The following PKNOX2 variants were observed in gnomAD, a reference collection of about 807,000 sequenced individuals.
PKNOX2 encodes homeobox protein PKNOX2.
In PKNOX2, 14 loss-of-function variants were observed where a neutral mutation model predicts 53.1. That is an observed-to-expected ratio of 0.26 (90% CI 0.17 to 0.41). The LOEUF (loss-of-function observed/expected upper bound fraction) is 0.41, where lower values mean the gene tolerates loss of function less well. Among genes scored for constraint, PKNOX2 ranks in the 10% least tolerant of loss-of-function variants. The pLI is 1.00. For missense variants in PKNOX2, 496 were observed against 602.8 expected, an observed-to-expected ratio of 0.82 and a Z score of 1.85; for synonymous variants, 257 against 242.8, an observed-to-expected ratio of 1.06 and a Z score of -0.54.
At chr11:125,322,579 C>T (rs1949586487) in intron 2 of PKNOX2, among the ~76,000 whole-genome samples, 1 of 152,206 alleles carries the variant, frequency 6.6e-6, no homozygotes, top group Non-Finnish European at 1.5e-5. Context: ...CTGATGAGCC[C>T]AGTGGCTCCT....
chr11:125,366,020 T>A (rs1357360393), intron 4 of PKNOX2, among the ~76,000 whole-genome samples: 2 of 152,146 alleles, frequency 1.3e-5, no homozygotes, highest in East Asian at 3.8e-4. Flanking sequence ...GTGTGAAGAT[T>A]ACTGGGTTTT....
At chr11:125,187,178 T>C (rs2135312942) in intron 1 of PKNOX2, among the ~76,000 whole-genome samples, 1 of 152,300 alleles carries the variant, frequency 6.6e-6, no homozygotes, top group East Asian at 1.9e-4. Flanking sequence ...TTTTTCAAGA[T>C]TATTTTGGCT....
At chr11:125,388,282 G>A (rs893719511) in intron 6 of PKNOX2, among the ~76,000 whole-genome samples, 14 of 151,978 alleles carry the variant, frequency 9.2e-5, no homozygotes, top group Admixed American at 2.6e-4. Context: ...AGGTCAGATC[G>A]CGTCATTATC....
In PKNOX2 at chr11:125,322,121, C is replaced by T. The variant is rs1048654290; in HGVS notation, c.-129-9698C>T. The stretch of plus-strand genomic sequence containing the variant: ...GGTTTGCCAGCCCCTGACCTGGCGT[C>T]CTTGAAGGAGAGTCATAGGCTAGAA... On this transcript the variant is annotated intron_variant, in intron 2 of 12. Transcript: ENST00000298282. Among the ~76,000 whole-genome samples, 11 of 152,162 alleles carry T rather than the reference C, an allele frequency of 7.2e-5. 1 individual carries two copies. Among genetic ancestry groups the T allele is most frequent in the Admixed American group, 7.2e-4 (11 of 15,290 alleles).
rs375380401 is a variant in PKNOX2, at chr11:125,179,946, T to C, written c.-201+15170T>C. On this transcript the variant is annotated intron_variant, in intron 1 of 12. Transcript: ENST00000298282. ...AGCTTAGATGATCTGGATTTGTAAT[T>C]GAATAAAGGCCAAAGTCCTCCCCAT... Among the ~76,000 whole-genome samples the C allele has an allele frequency of 9.2e-5, 14 of 152,282 alleles. No individual in the cohort carries two copies. In the South Asian group the frequency reaches 1.5e-3, roughly 16 times the overall value.
rs187470707 is a variant in PKNOX2, at chr11:125,357,326, A to T, written c.87+5934A>T. 3.3e-3 allele frequency among the ~76,000 whole-genome samples: 498 copies of T among 152,302 alleles called. 4 individuals are homozygous for T. The highest frequency in any genetic ancestry group is 0.011 in the African/African-American group (474 of 41,562). On this transcript the variant is annotated intron_variant, in intron 4 of 12. Transcript: ENST00000298282. ...AAAGGCAAAAACAACCTCCAGGTCC[A>T]ACCGTGGGGCCTTTATGCCCATGTA...
chr11:125,299,844 G>A (rs759211643), intron 2 of PKNOX2, among the ~76,000 whole-genome samples: 14 of 152,148 alleles, frequency 9.2e-5, no homozygotes, highest in Admixed American at 7.2e-4. Context: ...AAGCGACCGT[G>A]GGGCTTCCCA....
At chr11:125,205,235 G>C (rs1938947024) in intron 1 of PKNOX2, among the ~76,000 whole-genome samples, 1 of 152,222 alleles carries the variant, frequency 6.6e-6, no homozygotes, top group Non-Finnish European at 1.5e-5. Context: ...GTGGTACATA[G>C]TGGGGCTGGA....
intron 1 of PKNOX2, among the ~76,000 whole-genome samples, chr11:125,222,787 ATGTG>A (rs760294528): frequency 6.7e-5 from 9 of 134,696 alleles, no homozygotes; most frequent in East Asian, 2.2e-4. Context: ...GTATGTGTGT[ATGTG>A]TGTGTGTGTG....
intron 4 of PKNOX2, among the ~76,000 whole-genome samples, chr11:125,361,209 C>T (rs957800890): frequency 1.3e-5 from 2 of 152,172 alleles, no homozygotes; most frequent in African/African-American, 4.8e-5. Context: ...ACAGAAAAGC[C>T]CTGGTCCTGC....
intron 1 of PKNOX2, among the ~76,000 whole-genome samples, chr11:125,232,930 GT>G (rs1336082580): frequency 6.6e-6 from 1 of 150,962 alleles, no homozygotes; most frequent in Non-Finnish European, 1.5e-5. Flanking sequence ...GTGGGATTTG[GT>G]ATATATATTC....
At chr11:125,385,414 G>A in intron 5 of PKNOX2, 137 bp from the exon 6 acceptor site, 1 of 959,572 alleles carries the variant, frequency 1.0e-6, no homozygotes, top group Non-Finnish European at 1.5e-6. Context: ...TGACCATAGG[G>A]ACTGGGGATG....
chr11:125,177,761 T>C (rs1423356847), intron 1 of PKNOX2, among the ~76,000 whole-genome samples: 1 of 152,116 alleles, frequency 6.6e-6, no homozygotes, highest in Non-Finnish European at 1.5e-5. Flanking sequence ...GCTGTGGGCC[T>C]CTCTGGGGAG....
chr11:125,171,776 G>T (rs1394074888), intron 1 of PKNOX2, among the ~76,000 whole-genome samples: 2 of 152,244 alleles, frequency 1.3e-5, no homozygotes, highest in Non-Finnish European at 2.9e-5. Flanking sequence ...GTGGCCTGGT[G>T]CTGCCTGCTG....
At chr11:125,221,109 C>T (rs901568527) in intron 1 of PKNOX2, among the ~76,000 whole-genome samples, 1 of 151,950 alleles carries the variant, frequency 6.6e-6, no homozygotes, top group Non-Finnish European at 1.5e-5. Context: ...GAGCCGAGAT[C>T]GCGCCACTGC....
At chr11:125,188,339 C>T (rs1193725163) in intron 1 of PKNOX2, among the ~76,000 whole-genome samples, 1 of 152,194 alleles carries the variant, frequency 6.6e-6, no homozygotes, top group Non-Finnish European at 1.5e-5. Context: ...CTGCATCTCT[C>T]AGCCTGTTCT....
At chr11:125,264,305 C>T (rs1945130461) in intron 2 of PKNOX2, among the ~76,000 whole-genome samples, 1 of 152,184 alleles carries the variant, frequency 6.6e-6, no homozygotes, top group East Asian at 1.9e-4. Flanking sequence ...ACCGTATGTC[C>T]CCAGGAAACT....
intron 6 of PKNOX2, among the ~76,000 whole-genome samples, chr11:125,391,515 TCACAACAACTCTGAAG>T (rs1244405555): frequency 6.6e-6 from 1 of 152,224 alleles, no homozygotes; most frequent in Non-Finnish European, 1.5e-5. Context: ...TATTCAGTTT[TCACAACAACTCTGAAG>T]TGTAGGTATT....
Position 125,177,677 on chromosome 11 carries a change from A to G in PKNOX2, c.-201+12901A>G, listed in dbSNP as rs539773764. On this transcript the variant is annotated intron_variant, in intron 1 of 12. Coordinates refer to ENST00000298282, the MANE Select transcript of PKNOX2 (RefSeq NM_001382323.2). ...TCCCGTCACTTCCGTCTCTCTCCCC[A>G]CAGTGCTGCATGGGACCCAGATACC... 2.6e-5 allele frequency among the ~76,000 whole-genome samples: 4 copies of G among 152,296 alleles called. No homozygotes were observed. The East Asian group carries it at 7.7e-4, about 29-fold the overall frequency.
Sources: gnomAD v4.1 joint callset for allele counts (sites outside exome capture counted in the v4.1 genomes callset) on GRCh38, gnomAD v4.1.1 for gene constraint, MANE v1.5 for transcripts, NCBI Gene and HGNC (gene_info 2026-07-23, HGNC 2026-07-21) for gene names.